Variants in CPEB2 observed in about 807,000 individuals in gnomAD.
CPEB2 encodes the protein cytoplasmic polyadenylation element binding protein 2.
A neutral mutation model predicts 93.6 loss-of-function variants in CPEB2; 56 were observed. That is an observed-to-expected ratio of 0.60 (90% CI 0.48 to 0.75). The LOEUF is 0.75. Ranked by LOEUF, CPEB2 falls within the 30% of genes least tolerant of loss-of-function variation. CPEB2 has a pLI of 0.00. For missense variants in CPEB2, 1,579 were observed against 1,395.1 expected (o/e 1.13, Z -2.10); for synonymous variants, 764 against 586.3 (o/e 1.30, Z -4.38).
intron 4 of CPEB2, among the ~76,000 whole-genome samples, chr4:15,027,033 A>G (rs1016804975): frequency 3.3e-5 from 5 of 152,110 alleles, no homozygotes; most frequent in Non-Finnish European, 7.4e-5. Context: ...CCATTAACTC[A>G]ACTTGACTTT....
At chr4:15,025,193 GT>G (rs1725315874) in intron 4 of CPEB2, among the ~76,000 whole-genome samples, 1 of 151,748 alleles carries the variant, frequency 6.6e-6, no homozygotes, top group Non-Finnish European at 1.5e-5. Flanking sequence ...CAAATCTTGA[GT>G]TTTTTGTTTT....
intron 8 of CPEB2, 40 bp from the exon 9 acceptor site, chr4:15,058,381 T>A: frequency 1.7e-6 from 2 of 1,193,978 alleles, no homozygotes. Flanking sequence ...GTAAAATCAC[T>A]TGGCTTGACA....
intron 6 of CPEB2, 46 bp from the exon 7 acceptor site, chr4:15,052,368 A>G: frequency 8.0e-7 from 1 of 1,242,836 alleles, no homozygotes; most frequent in Non-Finnish European, 1.1e-6. Context: ...TAAATTTATC[A>G]TTTTCTCAGA....
At chr4:15,028,715 A>G (rs1725746210) in intron 4 of CPEB2, among the ~76,000 whole-genome samples, 1 of 151,856 alleles carries the variant, frequency 6.6e-6, no homozygotes, top group South Asian at 2.1e-4. Context: ...CTTTGGTCGT[A>G]TCTGGGCAAA....
intron 11 of CPEB2, 38 bp downstream of exon 11, chr4:15,062,298 TA>T: frequency 6.6e-7 from 1 of 1,523,696 alleles, no homozygotes; most frequent in Non-Finnish European, 9.0e-7. Context: ...TGTCCTATAA[TA>T]AGGTGCTGAT....
intron 10 of CPEB2, 22 bp from the exon 11 acceptor site, chr4:15,062,057 T>C: frequency 6.4e-7 from 1 of 1,572,140 alleles, no homozygotes; most frequent in Middle Eastern, 1.7e-4. Flanking sequence ...ACATTTGATG[T>C]AAACTTCTTT....
Position 15,069,554 on chromosome 4 carries a change from A to G in CPEB2, c.*3174A>G, listed in dbSNP as rs1357954471. ...GCTAACAAAAGGAGAGACTTTTTTC[A>G]TGCATATTTCTATTTTGTTTTTTTG... On this transcript the variant is annotated 3_prime_UTR_variant, in exon 12 of 12. Transcript: ENST00000538197. The G allele has an allele frequency of 6.6e-6, 1 of 152,196 alleles. No homozygotes were observed. The highest frequency in any genetic ancestry group is 1.5e-5 in the Non-Finnish European group (1 of 67,826). The allele number at this position is 152,196 out of a possible 1,614,324, so 9.4% of individuals were successfully genotyped here. A position where few individuals can be genotyped will look rare whatever the true frequency, so the allele number is the denominator to read the frequency against.
chr4:15,038,881 G>C (rs1286726189), intron 5 of CPEB2, among the ~76,000 whole-genome samples: 1 of 152,122 alleles, frequency 6.6e-6, no homozygotes, highest in African/African-American at 2.4e-5. Context: ...GACCACCCGT[G>C]TGTAGCTCCA....
At chr4:15,005,470 T>G (rs996454681) in intron 1 of CPEB2, among the ~76,000 whole-genome samples, 1 of 152,242 alleles carries the variant, frequency 6.6e-6, no homozygotes, top group Non-Finnish European at 1.5e-5. Flanking sequence ...CAATACAATT[T>G]TTGGGTGACC....
At position 15,003,603 on chromosome 4, in the gene CPEB2, G is replaced by A; in HGVS notation, c.930G>A (p.Ala310=). ...CCTCCTCGACGCCGGTGAACCCCGC[G>A]CCGGGCTCCATGGAGTCCCCCAACC... The part of the protein sequence containing the change: ...GLASSTPVNP[A]PGSMESPNHP... The change falls in exon 1 of 12, where the codon GCG becomes GCA. Residue 310 remains alanine (A), a synonymous_variant. Transcript: ENST00000538197. 1.4e-6 allele frequency: 2 copies of A among 1,476,982 alleles called. No individual in the cohort carries two copies. Among genetic ancestry groups the A allele is most frequent in the Non-Finnish European group, 1.8e-6 (2 of 1,118,236 alleles). The allele number at this position is 1,476,982 out of a possible 1,614,324, so 91.5% of individuals were successfully genotyped here.
In CPEB2 at chr4:15,003,090, CT is replaced by C; in HGVS notation, c.419del (p.Phe140SerfsTer35). 6.5e-7 allele frequency: 1 copy of C among 1,533,622 alleles called. No individual in the cohort carries two copies. The highest frequency in any genetic ancestry group is 1.7e-4 in the Middle Eastern group (1 of 5,978). On this transcript the variant is annotated frameshift_variant, in exon 1 of 12. Coordinates refer to ENST00000538197, the MANE Select transcript of CPEB2 (RefSeq NM_001177382.2). LOFTEE classifies it high-confidence loss of function. ...TGACCCACCTCCTCCCCTCCCAGGA[CT>C]TCAAACCGAGTCTGCACCACCCCTC... ...GVTHLLPSQDFKPSLHHPSSS... is the reference protein window; with the variant it reads ...GVTHLLPSQDXKPSLHHPSSS...
In CPEB2 at chr4:15,002,548, G is replaced by A; in HGVS notation, c.-126G>A. On this transcript the variant is annotated 5_prime_UTR_variant, in exon 1 of 12. Coordinates refer to ENST00000538197, the MANE Select transcript of CPEB2 (RefSeq NM_001177382.2). The stretch of plus-strand genomic sequence containing the variant: ...GCCGAAGTCGGTGCCCCCTGGCTCA[G>A]TCACGGTGTCCCTCTCTCACTGACT... 5.4e-6 allele frequency: 4 copies of A among 746,750 alleles called. No homozygotes were observed. The South Asian group carries it at 8.8e-5, about 17-fold the overall frequency. The allele number at this position is 746,750 out of a possible 1,614,324, so 46.3% of individuals were successfully genotyped here.
intron 5 of CPEB2, among the ~76,000 whole-genome samples, chr4:15,038,929 T>A (rs984280763): frequency 1.3e-5 from 2 of 152,042 alleles, no homozygotes; most frequent in Non-Finnish European, 2.9e-5. Flanking sequence ...ATTTATTGCA[T>A]CAGTCTGATT....
rs1722458690 is a variant in CPEB2, at chr4:15,004,211, C to A, written c.1538C>A (p.Pro513Gln). 1.3e-6 allele frequency: 2 copies of A among 1,493,452 alleles called. No individual in the cohort carries two copies. The highest frequency in any genetic ancestry group is 1.8e-6 in the Non-Finnish European group (2 of 1,128,012). The allele number at this position is 1,493,452 out of a possible 1,614,324, so 92.5% of individuals were successfully genotyped here. The change falls in exon 1 of 12, where the codon CCG becomes CAG. Residue 513 changes from proline to glutamine, a missense_variant. By Grantham distance (76) the Pro-to-Gln change is moderately conservative. Coordinates refer to ENST00000538197, the MANE Select transcript of CPEB2 (RefSeq NM_001177382.2). ...ATGAATATACCTCAACAGCAGCCCC[C>A]GCCGCCCGCGGCGCCGCAGCAGCCG... ...PAMNIPQQQP[P>Q]PPAAPQQPQS...
chr4:15,020,287 T>C (rs1724665863), intron 4 of CPEB2, among the ~76,000 whole-genome samples: 1 of 152,116 alleles, frequency 6.6e-6, no homozygotes, highest in African/African-American at 2.4e-5. Context: ...GAGATGTGAA[T>C]ACTAGAGGCT....
chr4:15,066,462 G>C lies in CPEB2; in HGVS notation c.*82G>C. 1 of 985,936 alleles carries C rather than the reference G, an allele frequency of 1.0e-6. No homozygotes were observed. Among genetic ancestry groups the C allele is most frequent in the Non-Finnish European group, 1.6e-6 (1 of 642,854 alleles). 61.1% of individuals were successfully genotyped at this position (985,936 alleles called of 1,614,324 possible). ...TGTCTGAAGATACTGACATGCAGAA[G>C]AAATAAGTGCATTCTTCTGCTTTTC... On this transcript the variant is annotated 3_prime_UTR_variant, in exon 12 of 12. Coordinates refer to ENST00000538197, the MANE Select transcript of CPEB2 (RefSeq NM_001177382.2).
intron 11 of CPEB2, 71 bp from the exon 12 acceptor site, chr4:15,066,082 C>A: frequency 7.6e-7 from 1 of 1,322,352 alleles, no homozygotes; most frequent in Non-Finnish European, 1.1e-6. Context: ...TGCTGTAGAA[C>A]ATTTTAAGTT....
At chr4:15,010,749 TACA>T (rs1723364424) in intron 3 of CPEB2, among the ~76,000 whole-genome samples, 1 of 152,198 alleles carries the variant, frequency 6.6e-6, no homozygotes. Flanking sequence ...TACATTATTT[TACA>T]ACATTTTACT....
At position 15,003,356 on chromosome 4, in the gene CPEB2, A is replaced by T; in HGVS notation, c.683A>T (p.Gln228Leu). ...CAGCCGGCGCAGCTCGCTCAGCGCC[A>T]GCAGCAACAGCCGCCGCAGCAGTTC... ...LLQPAQLAQR[Q>L]QQQPPQQFSL... Residue 228 changes from glutamine to leucine, a missense_variant, in exon 1 of 12, where the codon CAG becomes CTG. Physicochemically the swap from Gln to Leu is moderately radical, Grantham distance 113 (BLOSUM62 -2). Coordinates refer to ENST00000538197, the MANE Select transcript of CPEB2 (RefSeq NM_001177382.2). 2 of 1,388,118 alleles carry T rather than the reference A, an allele frequency of 1.4e-6. No individual in the cohort carries two copies. The highest frequency in any genetic ancestry group is 1.7e-5 in the South Asian group (1 of 58,786). The allele number at this position is 1,388,118 out of a possible 1,614,324, so 86.0% of individuals were successfully genotyped here. A position where few individuals can be genotyped will look rare whatever the true frequency, so the allele number is the denominator to read the frequency against.
Sources: gnomAD v4.1 joint callset for allele counts (sites outside exome capture counted in the v4.1 genomes callset) on GRCh38, gnomAD v4.1.1 for gene constraint, MANE v1.5 for transcripts, NCBI Gene and HGNC (gene_info 2026-07-23, HGNC 2026-07-21) for gene names.